The following SND1 variants were observed in gnomAD, a reference collection of about 807,000 sequenced individuals.
SND1 encodes staphylococcal nuclease domain-containing protein 1.
In SND1, 38 loss-of-function variants were observed where a neutral mutation model predicts 121.7. The ratio of observed to expected loss-of-function variants is 0.31; its 90% CI spans 0.24 to 0.41. SND1 has a LOEUF of 0.41. SND1 is among the 10% of genes least tolerant of loss of function. The pLI is 1.00. For missense variants in SND1, 868 were observed against 1,184.6 expected, an observed-to-expected ratio of 0.73 and a Z score of 3.92; for synonymous variants, 401 against 447.4, an observed-to-expected ratio of 0.90 and a Z score of 1.31.
At chr7:127,793,679 T>C (rs1292318806) in intron 10 of SND1, among the ~76,000 whole-genome samples, 1 of 152,124 alleles carries the variant, frequency 6.6e-6, no homozygotes, top group Non-Finnish European at 1.5e-5. Context: ...TGAAGGAGGA[T>C]ATAAAACTGT....
chr7:127,819,071 A>G (rs571838810), intron 11 of SND1, among the ~76,000 whole-genome samples: 1 of 152,316 alleles, frequency 6.6e-6, no homozygotes, highest in Admixed American at 6.5e-5. Flanking sequence ...TGACACCTCT[A>G]ATTCCTTGTG....
chr7:127,991,864 T>TA (rs1394857366), intron 16 of SND1, among the ~76,000 whole-genome samples: 1 of 152,182 alleles, frequency 6.6e-6, no homozygotes, highest in Non-Finnish European at 1.5e-5. Context: ...GTGATAAAAA[T>TA]ACCTGTTTGT....
At chr7:127,869,018 C>T (rs898911086) in intron 12 of SND1, among the ~76,000 whole-genome samples, 1 of 151,898 alleles carries the variant, frequency 6.6e-6, no homozygotes, top group African/African-American at 2.4e-5. Context: ...GATAAAGAAG[C>T]AGTAAAGATA....
intron 10 of SND1, among the ~76,000 whole-genome samples, chr7:127,733,876 G>A (rs1796725192): frequency 6.6e-6 from 1 of 152,102 alleles, no homozygotes; most frequent in South Asian, 2.1e-4. Context: ...TGACTCTCAT[G>A]GTGAAATCTA....
At chr7:127,735,621 T>TTTG (rs1554418520) in intron 10 of SND1, among the ~76,000 whole-genome samples, 7 of 152,076 alleles carry the variant, frequency 4.6e-5, no homozygotes, top group East Asian at 1.9e-4. Context: ...CCTGTTTTTT[T>TTTG]TTGTTGTTGT....
chr7:127,684,007 A>G (rs1191702966), intron 1 of SND1, among the ~76,000 whole-genome samples: 1 of 152,238 alleles, frequency 6.6e-6, no homozygotes, highest in African/African-American at 2.4e-5. Flanking sequence ...TAATGGGGCC[A>G]GGATAATAGT....
intron 15 of SND1, among the ~76,000 whole-genome samples, chr7:127,954,192 T>C (rs959404648): frequency 1.3e-5 from 2 of 152,166 alleles, no homozygotes; most frequent in African/African-American, 2.4e-5. Context: ...ATTTCTGGAA[T>C]GCACACTGTG....
chr7:127,694,727 G>A (rs1239146119), intron 2 of SND1, 101 bp from the exon 3 acceptor site: 1 of 1,391,028 alleles, frequency 7.2e-7, no homozygotes, highest in Admixed American at 1.8e-5. Context: ...CAGGACCATG[G>A]TAGGTACTCA....
At position 127,721,350 on chromosome 7, in the gene SND1, A is replaced by G. The variant is rs774977697; in HGVS notation, c.1102A>G (p.Ile368Val). ...GCTGAACTCAGGCGATTACAAGACG[A>G]TTCACCTGTCCAGCATCCGACCACC... ...VKLNSGDYKT[I>V]HLSSIRPPRL... The change falls in exon 10 of 24, where the codon ATT (isoleucine) becomes GTT (valine). Residue 368 changes from isoleucine (I) to valine (V), a missense_variant. By Grantham distance (29) the Ile-to-Val change is conservative (BLOSUM62 3). Coordinates refer to ENST00000354725, the MANE Select transcript of SND1 (RefSeq NM_014390.4). The G allele has an allele frequency of 1.9e-6, 3 of 1,613,662 alleles. No individual in the cohort carries two copies. Among genetic ancestry groups the G allele is most frequent in the East Asian group, 2.2e-5 (1 of 44,876 alleles).
At chr7:127,653,356 C>T (rs1795156153) in intron 1 of SND1, among the ~76,000 whole-genome samples, 2 of 152,192 alleles carry the variant, frequency 1.3e-5, no homozygotes, top group Admixed American at 1.3e-4. Context: ...TGGAACCTGA[C>T]ATTTCTTGGT....
intron 11 of SND1, among the ~76,000 whole-genome samples, chr7:127,840,110 G>C (rs1408214572): frequency 6.6e-6 from 1 of 152,212 alleles, no homozygotes; most frequent in Non-Finnish European, 1.5e-5. Flanking sequence ...CTCTTTGAGT[G>C]AATAAGACAT....
chr7:127,907,188 T>A (rs1800358868), intron 14 of SND1, among the ~76,000 whole-genome samples: 1 of 152,164 alleles, frequency 6.6e-6, no homozygotes, highest in Non-Finnish European at 1.5e-5. Flanking sequence ...AGAGTGCAGT[T>A]TTTTTGGTGC....
chr7:127,711,649 C>A (rs879642449), intron 9 of SND1, among the ~76,000 whole-genome samples: 1 of 152,060 alleles, frequency 6.6e-6, no homozygotes, highest in Admixed American at 6.6e-5. Context: ...TTTCTCCCAA[C>A]TCTTTTGTTG....
intron 16 of SND1, among the ~76,000 whole-genome samples, chr7:128,024,687 C>T (rs1293245144): frequency 6.6e-6 from 1 of 152,188 alleles, no homozygotes; most frequent in Non-Finnish European, 1.5e-5. Flanking sequence ...TGTCTCTAGG[C>T]CTTAGAAACT....
intron 12 of SND1, among the ~76,000 whole-genome samples, chr7:127,874,828 T>C (rs556670951): frequency 2.0e-5 from 3 of 152,298 alleles, no homozygotes; most frequent in East Asian, 3.9e-4. Context: ...GCTAACATAT[T>C]AGAACTAGAG....
At chr7:127,695,429 G>T (rs771562482) in intron 3 of SND1, among the ~76,000 whole-genome samples, 1 of 152,146 alleles carries the variant, frequency 6.6e-6, no homozygotes, top group African/African-American at 2.4e-5. Context: ...AGATGTCGGG[G>T]TTGCATAGAT....
chr7:128,063,719 G>A (rs1385604827), intron 16 of SND1, among the ~76,000 whole-genome samples: 1 of 152,252 alleles, frequency 6.6e-6, no homozygotes, highest in Non-Finnish European at 1.5e-5. Flanking sequence ...ACCCAGATAA[G>A]TAATGGAGTG....
rs577601349 is a variant in SND1 at position 128,089,551 on chromosome 7, G to A, written c.2481G>A (p.Leu827=). ...VVRDIQNTQC[L]LNVEHLSAGC... ...GGGATATCCAGAACACTCAGTGCCT[G>A]CTCAACGTGGAACACCTGAGTGCCG... The change falls in exon 22 of 24, where the codon CTG becomes CTA. Residue 827 remains leucine (L), a synonymous_variant. Coordinates refer to ENST00000354725, the MANE Select transcript of SND1 (RefSeq NM_014390.4). 1.2e-6 allele frequency: 2 copies of A among 1,614,268 alleles called. No individual in the cohort carries two copies. Among genetic ancestry groups the A allele is most frequent in the South Asian group, 1.1e-5 (1 of 91,088 alleles).
chr7:127,679,649 T>C (rs1222580020), intron 1 of SND1, among the ~76,000 whole-genome samples: 1 of 152,222 alleles, frequency 6.6e-6, no homozygotes, highest in Non-Finnish European at 1.5e-5. Flanking sequence ...TGGATTTCCC[T>C]TTTCTGCACA....
Sources: gnomAD v4.1 joint callset for allele counts (sites outside exome capture counted in the v4.1 genomes callset) on GRCh38, gnomAD v4.1.1 for gene constraint, MANE v1.5 for transcripts, NCBI Gene and HGNC (gene_info 2026-07-23, HGNC 2026-07-21) for gene names.